The following HMBOX1 variants were observed in gnomAD, a reference collection of about 807,000 sequenced individuals.
HMBOX1 encodes the protein homeobox-containing protein 1.
Under a neutral mutation model 54.5 loss-of-function variants are expected in HMBOX1, and 14 were observed. The ratio of observed to expected loss-of-function variants is 0.26; its 90% CI spans 0.17 to 0.40. HMBOX1 has a LOEUF of 0.40. Among genes scored for constraint, HMBOX1 ranks in the 10% least tolerant of loss-of-function variants. The pLI, the probability that HMBOX1 is intolerant of heterozygous loss-of-function variation, is 1.00. For synonymous variants in HMBOX1, 160 were observed against 181.0 expected, an observed-to-expected ratio of 0.88 and a Z score of 0.93; for missense variants, 332 against 514.4, an observed-to-expected ratio of 0.65 and a Z score of 3.43.
chr8:29,015,841 A>G (rs914911960), intron 5 of HMBOX1, among the ~76,000 whole-genome samples: 4 of 152,232 alleles, frequency 2.6e-5, no homozygotes, highest in African/African-American at 4.8e-5. Flanking sequence ...CTTCTGCTCC[A>G]GTGCATTCAT....
chr8:28,995,947 A>G (rs933600739), intron 4 of HMBOX1, among the ~76,000 whole-genome samples: 2 of 152,152 alleles, frequency 1.3e-5, no homozygotes, highest in African/African-American at 2.4e-5. Context: ...CTAAAAAAAA[A>G]TACAAAACAT....
chr8:28,932,000 G>C (rs1819554690), intron 1 of HMBOX1, among the ~76,000 whole-genome samples: 1 of 152,212 alleles, frequency 6.6e-6, no homozygotes, highest in African/African-American at 2.4e-5. Flanking sequence ...TTAGATAGTA[G>C]TAAGTGCTAG....
At chr8:28,903,804 C>T (rs1272258779) in intron 1 of HMBOX1, among the ~76,000 whole-genome samples, 3 of 152,140 alleles carry the variant, frequency 2.0e-5, no homozygotes, top group African/African-American at 7.2e-5. Context: ...AATATATAGA[C>T]ATACATGCAT....
At position 28,970,017 on chromosome 8, in the gene HMBOX1, ACTT is replaced by A. The variant is rs1827115475; in HGVS notation, c.24-22_24-20del. On this transcript the variant is annotated intron_variant, in intron 2 of 9. Coordinates refer to ENST00000287701, the MANE Select transcript of HMBOX1 (RefSeq NM_001135726.3). The surrounding 1 kb of genome is among the most constrained non-coding windows in gnomAD (Gnocchi z 4.3). ...TTTGGTAGATACTGTCAATAAAGAG[ACTT>A]CTTTTTATCTCTTTTTTTTTAGTTT... 7.1e-7 allele frequency: 1 copy of A among 1,405,842 alleles called. No individual in the cohort carries two copies. The highest frequency in any genetic ancestry group is 1.8e-5 in the Admixed American group (1 of 55,488). 87.1% of individuals were successfully genotyped at this position (1,405,842 alleles called of 1,614,324 possible).
At chr8:29,027,189 C>T (rs990116419) in intron 6 of HMBOX1, among the ~76,000 whole-genome samples, 1 of 152,124 alleles carries the variant, frequency 6.6e-6, no homozygotes, top group African/African-American at 2.4e-5. Flanking sequence ...TAGTGTATGT[C>T]TGAAATATCT....
intron 1 of HMBOX1, among the ~76,000 whole-genome samples, chr8:28,897,781 T>C (rs918269798): frequency 6.6e-6 from 1 of 152,238 alleles, no homozygotes; most frequent in Non-Finnish European, 1.5e-5. Flanking sequence ...ATAACCAAAA[T>C]TACAGCTATT....
chr8:28,964,625 T>C (rs1407805247), intron 2 of HMBOX1, among the ~76,000 whole-genome samples: 1 of 152,224 alleles, frequency 6.6e-6, no homozygotes, highest in Non-Finnish European at 1.5e-5. Context: ...GTCTCCACTT[T>C]GCTTAAATTC....
At chr8:28,952,479 C>A (rs1369376500) in intron 1 of HMBOX1, among the ~76,000 whole-genome samples, 1 of 152,188 alleles carries the variant, frequency 6.6e-6, no homozygotes, top group Non-Finnish European at 1.5e-5. Flanking sequence ...AGCCATCCAC[C>A]CGCCTGGGCC....
At chr8:28,941,135 GTT>G (rs1363268395) in intron 1 of HMBOX1, among the ~76,000 whole-genome samples, 2 of 151,876 alleles carry the variant, frequency 1.3e-5, no homozygotes, top group Non-Finnish European at 2.9e-5. Flanking sequence ...CTTTTCTATG[GTT>G]CAGAAAGCTC....
chr8:29,002,284 G>C (rs891554111), intron 4 of HMBOX1, among the ~76,000 whole-genome samples: 1 of 152,146 alleles, frequency 6.6e-6, no homozygotes, highest in African/African-American at 2.4e-5. Flanking sequence ...CCCACAACTA[G>C]GTATCTGTGG....
intron 4 of HMBOX1, among the ~76,000 whole-genome samples, chr8:28,998,152 AT>A (rs1361730490): frequency 7.9e-5 from 12 of 152,090 alleles, no homozygotes; most frequent in Admixed American, 7.9e-4. Context: ...TCCTACAATT[AT>A]GTTCGTTTCA....
At chr8:28,890,391 G>A (rs1810642116), upstream of HMBOX1, 1 of 168,118 alleles carries the variant, frequency 5.9e-6, no homozygotes, top group Non-Finnish European at 1.3e-5. Context: ...GTGGGAGAGG[G>A]GCTGTTGATA....
chr8:28,980,048 G>C, intron 3 of HMBOX1, 23 bp from the exon 4 acceptor site: 1 of 1,542,676 alleles, frequency 6.5e-7, no homozygotes, highest in Non-Finnish European at 9.0e-7. Flanking sequence ...TACATTGTTG[G>C]TCTTGTCTTC....
At chr8:28,979,558 C>G (rs1399070725) in intron 3 of HMBOX1, among the ~76,000 whole-genome samples, 1 of 152,162 alleles carries the variant, frequency 6.6e-6, no homozygotes, top group Non-Finnish European at 1.5e-5. Flanking sequence ...AAATGGCTAA[C>G]ATTTTTACGG....
At chr8:28,913,140 A>G (rs1387690230) in intron 1 of HMBOX1, among the ~76,000 whole-genome samples, 2 of 152,042 alleles carry the variant, frequency 1.3e-5, no homozygotes, top group Non-Finnish European at 2.9e-5. Flanking sequence ...AAATCTCCTA[A>G]TGACACTCCC....
At chr8:28,895,031 G>C (rs192651840) in intron 1 of HMBOX1, among the ~76,000 whole-genome samples, 1 of 151,728 alleles carries the variant, frequency 6.6e-6, no homozygotes, top group East Asian at 1.9e-4. Flanking sequence ...GGTGACACTA[G>C]ACTCCTTCCT....
At chr8:28,969,179 C>T (rs1482728958) in intron 2 of HMBOX1, among the ~76,000 whole-genome samples, 2 of 150,340 alleles carry the variant, frequency 1.3e-5, no homozygotes, top group East Asian at 3.9e-4. Context: ...GTATCCAAAA[C>T]AACAACAACA....
intron 1 of HMBOX1, among the ~76,000 whole-genome samples, chr8:28,946,655 T>C (rs764408659): frequency 9.2e-5 from 14 of 152,158 alleles, no homozygotes; most frequent in Non-Finnish European, 1.8e-4. Flanking sequence ...AAAAAGAGCA[T>C]GCGATATAAA....
At chr8:28,980,315 C>T (rs1829128595) in intron 4 of HMBOX1, among the ~76,000 whole-genome samples, 159 bp downstream of exon 4, 2 of 152,150 alleles carry the variant, frequency 1.3e-5, no homozygotes, top group Admixed American at 6.5e-5. Context: ...TCTCCAATAT[C>T]GCCGAACTTC....
Sources: allele counts gnomAD v4.1 joint callset (sites outside exome capture counted in the v4.1 genomes callset), GRCh38; gene constraint gnomAD v4.1.1; non-coding constraint Gnocchi (gnomAD v3.1); transcripts MANE v1.5; gene names NCBI Gene and HGNC (gene_info 2026-07-23, HGNC 2026-07-21).